The following C17orf75 variants were observed in gnomAD, a reference collection of about 807,000 sequenced individuals.
C17orf75 encodes protein Njmu-R1.
C17orf75 carries 32 observed loss-of-function variants against 49.6 expected under a neutral mutation model. The observed-to-expected ratio is 0.65, with a 90% confidence interval of 0.49 to 0.87. The LOEUF (loss-of-function observed/expected upper bound fraction) is 0.87. Ranked by LOEUF, C17orf75 falls within the 40% of genes least tolerant of loss-of-function variation. The pLI, the probability that C17orf75 is intolerant of heterozygous loss-of-function variation, is 0.00. For missense variants in C17orf75, 428 were observed against 473.9 expected (o/e 0.90, Z 0.90); for synonymous variants, 158 against 159.5 (o/e 0.99, Z 0.07).
Position 32,330,620 on chromosome 17 carries a change from A to C in C17orf75, c.*1143T>G, listed in dbSNP as rs2041265595. The stretch of plus-strand genomic sequence containing the variant: ...AGTAAAACAATCTGAGGCTTGTAAC[A>C]AATGTACAAAAAACTAAAATCAATG... On this transcript the variant is annotated 3_prime_UTR_variant, in exon 10 of 10. Coordinates refer to ENST00000577809, the MANE Select transcript of C17orf75 (RefSeq NM_022344.4). The C allele has an allele frequency of 6.6e-6, 1 of 152,258 alleles. No individual in the cohort carries two copies. The highest frequency in any genetic ancestry group is 2.4e-5 in the African/African-American group (1 of 41,464). 9.4% of individuals were successfully genotyped at this position (152,258 alleles called of 1,614,324 possible).
intron 3 of C17orf75, 133 bp downstream of exon 3, chr17:32,339,680 C>T: frequency 8.6e-7 from 1 of 1,160,512 alleles, no homozygotes; most frequent in Non-Finnish European, 1.2e-6. Flanking sequence ...TGTGTGAGGC[C>T]CAGTGCTCGG....
chr17:32,343,875 G>T (rs80318509), upstream of C17orf75: 1 of 678,412 alleles, frequency 1.5e-6, no homozygotes, highest in Non-Finnish European at 2.7e-6. Flanking sequence ...TGGAGAGGTT[G>T]AGTTACCACA....
At position 32,341,277 on chromosome 17, in the gene C17orf75, G is replaced by A; in HGVS notation, c.148C>T (p.Gln50Ter). 6.2e-7 allele frequency: 1 copy of A among 1,613,914 alleles called. No individual in the cohort carries two copies. The highest frequency in any genetic ancestry group is 8.5e-7 in the Non-Finnish European group (1 of 1,179,892). Residue 50 changes from glutamine to a stop codon, truncating the protein, a stop_gained, in exon 2 of 10, where the codon CAG becomes TAG. Coordinates refer to ENST00000577809, the MANE Select transcript of C17orf75 (RefSeq NM_022344.4). LOFTEE classifies it high-confidence loss of function. ...LYSYRGSRLA[Q>*]QRGDSEDGSP... Reference sequence around the variant, plus strand: ...CCGTCCTCACTGTCCCCTCGTTGCTGTGCCAATCTACAAGCCACAAAACCA... The same window carrying A: ...CCGTCCTCACTGTCCCCTCGTTGCTATGCCAATCTACAAGCCACAAAACCA...
intron 1 of C17orf75, among the ~76,000 whole-genome samples, chr17:32,349,540 C>T (rs1359373655): frequency 7.2e-5 from 11 of 152,024 alleles, no homozygotes; most frequent in South Asian, 4.1e-4. Context: ...GAGATCGCGC[C>T]GCTGCACTCC....
At position 32,349,822 on chromosome 17, in the gene C17orf75, T is replaced by C. The variant is rs1005293749; in HGVS notation, c.-7+120A>G. 10 of 724,972 alleles carry C rather than the reference T, an allele frequency of 1.4e-5. No homozygotes were observed. In the African/African-American group the frequency reaches 1.9e-4, roughly 14 times the overall value. The allele number at this position is 724,972 out of a possible 1,614,324, so 44.9% of individuals were successfully genotyped here. On this transcript the variant is annotated intron_variant, in intron 1 of 8. Transcript: ENST00000583774. ...CACATAATCAACATTTACTGTTCAATTGAAACAAAATTAAAATTGGGCGCT... is the reference window on the plus strand; with the variant it reads ...CACATAATCAACATTTACTGTTCAACTGAAACAAAATTAAAATTGGGCGCT...
chr17:32,335,470 TTA>T (rs771336441), intron 5 of C17orf75, 28 bp from the exon 6 acceptor site: 1 of 1,610,718 alleles, frequency 6.2e-7, no homozygotes, highest in African/African-American at 1.3e-5. Flanking sequence ...ATCATTTGCT[TTA>T]ATATAAGCCT....
chr17:32,346,676 G>A (rs1169781059), upstream of C17orf75, among the ~76,000 whole-genome samples: 10 of 151,680 alleles, frequency 6.6e-5, no homozygotes, highest in Non-Finnish European at 1.3e-4. Flanking sequence ...AGGTTCAAGC[G>A]ATTCTCCTGC....
chr17:32,336,090 A>G (rs2041322935), intron 5 of C17orf75, among the ~76,000 whole-genome samples: 1 of 152,226 alleles, frequency 6.6e-6, no homozygotes, highest in South Asian at 2.1e-4. Flanking sequence ...TCACTCCTGC[A>G]CTATCCCTTC....
At chr17:32,345,291 C>T (rs1410219739), upstream of C17orf75, among the ~76,000 whole-genome samples, 1 of 151,090 alleles carries the variant, frequency 6.6e-6, no homozygotes, top group African/African-American at 2.4e-5. Context: ...GCCTGGCCAA[C>T]ATGGTGAAAC....
chr17:32,337,890 A>T lies in C17orf75; in HGVS notation c.549+7T>A. ...GTCTTTAAAAACCATTAAGTCAGTC[A>T]CCTTACCTCACAATTCATGTTATTT... On this transcript the variant is annotated splice_region_variant and intron_variant, in intron 5 of 9. Coordinates refer to ENST00000577809, the MANE Select transcript of C17orf75 (RefSeq NM_022344.4). 6.2e-7 allele frequency: 1 copy of T among 1,600,924 alleles called. No individual in the cohort carries two copies. Among genetic ancestry groups the T allele is most frequent in the Non-Finnish European group, 8.5e-7 (1 of 1,172,790 alleles).
chr17:32,334,486 G>A lies in C17orf75; in HGVS notation c.854C>T (p.Pro285Leu). Residue 285 changes from proline (P) to leucine (L), a missense_variant, in exon 8 of 10, where the codon CCT becomes CTT. Pro to Leu is a moderately conservative substitution (Grantham distance 98, BLOSUM62 -3). Coordinates refer to ENST00000577809, the MANE Select transcript of C17orf75 (RefSeq NM_022344.4). ...SVVIDCSSSQ[P>L]QFCNAGSNRF... The stretch of plus-strand genomic sequence containing the variant: ...TAGCTCACCTGCATTGCAGAACTGA[G>A]GCTGGGAGCTGCTGCAATCGATGAC... The A allele has an allele frequency of 1.2e-6, 2 of 1,612,116 alleles. No homozygotes were observed. The highest frequency in any genetic ancestry group is 2.2e-5 in the South Asian group (2 of 90,488).
chr17:32,349,598 CAAA>C (rs926077401), intron 1 of C17orf75, among the ~76,000 whole-genome samples: 1 of 151,956 alleles, frequency 6.6e-6, no homozygotes, highest in African/African-American at 2.4e-5. Flanking sequence ...TAAAACAAAA[CAAA>C]GAAAAACAAA....
At chr17:32,333,103 G>A (rs989810632) in intron 9 of C17orf75, among the ~76,000 whole-genome samples, 3 of 152,092 alleles carry the variant, frequency 2.0e-5, no homozygotes, top group Non-Finnish European at 4.4e-5. Flanking sequence ...GAGCCACTGC[G>A]CCCAGCCCCC....
chr17:32,338,063 C>A, intron 4 of C17orf75, 109 bp from the exon 5 acceptor site: 1 of 1,523,028 alleles, frequency 6.6e-7, no homozygotes, highest in Non-Finnish European at 9.0e-7. Flanking sequence ...GCAAACAAGC[C>A]AAGGCAAAAT....
At position 32,339,989 on chromosome 17, in the gene C17orf75, A is replaced by G; in HGVS notation, c.222-51T>C. On this transcript the variant is annotated intron_variant, in intron 2 of 9. Coordinates refer to ENST00000577809, the MANE Select transcript of C17orf75 (RefSeq NM_022344.4). ...TTTACCAGTGGACTAGGGTATTCACACCCATTAAGTCAGACAGAATGGTAC... is the reference window on the plus strand; with the variant it reads ...TTTACCAGTGGACTAGGGTATTCACGCCCATTAAGTCAGACAGAATGGTAC... 1.9e-6 allele frequency: 3 copies of G among 1,603,918 alleles called. No homozygotes were observed. In the East Asian group the frequency reaches 6.7e-5, roughly 36 times the overall value.
chr17:32,342,116 C>T lies in C17orf75; in HGVS notation c.24G>A (p.Ser8=). 3.1e-6 allele frequency: 5 copies of T among 1,601,460 alleles called. No homozygotes were observed. The highest frequency in any genetic ancestry group is 3.4e-6 in the Non-Finnish European group (4 of 1,174,688). MLPSLQE[S]MDGDEKELES... is the part of the protein sequence containing the mutation. ...CTAGTTCCTTTTCATCTCCATCCAT[C>T]GACTCCTGCAAAGAGGGGAGCATTG... is the stretch of plus-strand genomic sequence containing the variant. Residue 8 remains serine, a synonymous_variant, in exon 1 of 10, where the codon TCG becomes TCA. Transcript: ENST00000577809.
intron 9 of C17orf75, among the ~76,000 whole-genome samples, chr17:32,332,874 A>G (rs537801702): frequency 1.1e-3 from 174 of 152,140 alleles, no homozygotes; most frequent in African/African-American, 3.7e-3. Context: ...CAGTGGCACA[A>G]TCTGGGCTCA....
At chr17:32,341,878 A>C in intron 1 of C17orf75, 122 bp downstream of exon 1, 1 of 1,084,528 alleles carries the variant, frequency 9.2e-7, no homozygotes. Context: ...CTGGGAGAGG[A>C]GAAGATGGCT....
At position 32,331,825 on chromosome 17, in the gene C17orf75, C is replaced by T. The variant is rs1263065340; in HGVS notation, c.1129G>A (p.Ala377Thr). ...VKVEHEEMPE[A>T]KNVIAVLEEF... ...TCAAGGACAGCTATCACATTTTTGG[C>T]TTCAGGCATTTCTTCATGTTCCACT... Residue 377 changes from alanine (A) to threonine (T), a missense_variant, in exon 10 of 10, where the codon GCC (alanine) becomes ACC (threonine). Ala to Thr is a moderately conservative substitution (Grantham distance 58, BLOSUM62 0). Coordinates refer to ENST00000577809, the MANE Select transcript of C17orf75 (RefSeq NM_022344.4). 2 of 1,613,682 alleles carry T rather than the reference C, an allele frequency of 1.2e-6. No individual in the cohort carries two copies. Among genetic ancestry groups the T allele is most frequent in the East Asian group, 2.2e-5 (1 of 44,834 alleles).
Sources: gnomAD v4.1 joint callset for allele counts (sites outside exome capture counted in the v4.1 genomes callset) on GRCh38, gnomAD v4.1.1 for gene constraint, MANE v1.5 for transcripts, NCBI Gene and HGNC (gene_info 2026-07-23, HGNC 2026-07-21) for gene names.